The following MOXD1 variants were observed in gnomAD, a reference collection of about 807,000 sequenced individuals.
MOXD1 encodes monooxygenase DBH like 1, also known as DBH-like monooxygenase protein 1.
Under a neutral mutation model 66.6 loss-of-function variants are expected in MOXD1, and 62 were observed. The ratio of observed to expected loss-of-function variants is 0.93; its 90% CI spans 0.76 to 1.15. The LOEUF is 1.15. MOXD1 is among the 50% of genes most tolerant of loss of function. The pLI is 0.00. For synonymous variants in MOXD1, 303 were observed against 281.9 expected (o/e 1.07, Z -0.75); for missense variants, 847 against 754.6 (o/e 1.12, Z -1.44).
chr6:132,393,892 G>A (rs1776819891), intron 1 of MOXD1, among the ~76,000 whole-genome samples: 1 of 152,204 alleles, frequency 6.6e-6, no homozygotes, highest in Admixed American at 6.5e-5. Flanking sequence ...GCAGGACTGA[G>A]GACCAGCTTG....
chr6:132,373,967 T>C (rs1776321775), intron 2 of MOXD1, among the ~76,000 whole-genome samples: 1 of 152,216 alleles, frequency 6.6e-6, no homozygotes, highest in Non-Finnish European at 1.5e-5. Context: ...TAATCAGAAC[T>C]GCTTCATATT....
chr6:132,315,605 AC>A, intron 10 of MOXD1, 29 bp downstream of exon 10: 1 of 1,589,250 alleles, frequency 6.3e-7, no homozygotes, highest in South Asian at 1.1e-5. Context: ...GAAATACGTT[AC>A]CCCATCATAA....
Position 132,401,125 on chromosome 6 carries a change from G to A in MOXD1, c.264+38C>T, listed in dbSNP as rs78014656. 7,862 of 1,464,518 alleles carry A rather than the reference G, an allele frequency of 5.4e-3. 353 individuals carry two copies. The African/African-American group carries it at 0.097, about 18-fold the overall frequency. 90.7% of individuals were successfully genotyped at this position (1,464,518 alleles called of 1,614,324 possible). A position where few individuals can be genotyped will look rare whatever the true frequency, so the allele number is the denominator to read the frequency against. ...CCTCTCTGGGGTCCGGACGGGACCG[G>A]GCTCGGCCGGGCGGGCTCCGGGAGG... is the stretch of plus-strand genomic sequence containing the variant. On this transcript the variant is annotated intron_variant, in intron 1 of 11. Transcript: ENST00000367963.
chr6:132,353,257 C>T (rs189219892), intron 4 of MOXD1, among the ~76,000 whole-genome samples: 27 of 152,012 alleles, frequency 1.8e-4, no homozygotes, highest in African/African-American at 6.5e-4. Context: ...TTTATAGGTC[C>T]TATGTGATTT....
At chr6:132,303,807 A>ACATG (rs1491472694) in intron 10 of MOXD1, among the ~76,000 whole-genome samples, 2 of 47,922 alleles carry the variant, frequency 4.2e-5, no homozygotes, top group Non-Finnish European at 6.8e-5. Context: ...ATACACACAC[A>ACATG]TGTGTGTGTG....
intron 1 of MOXD1, among the ~76,000 whole-genome samples, chr6:132,395,763 C>T (rs531918802): frequency 2.4e-4 from 37 of 152,194 alleles, no homozygotes; most frequent in African/African-American, 4.6e-4. Context: ...AAGTATAAAA[C>T]ACTAAAAAGT....
At chr6:132,302,610 A>T (rs1774566540) in intron 10 of MOXD1, among the ~76,000 whole-genome samples, 1 of 152,182 alleles carries the variant, frequency 6.6e-6, no homozygotes, top group South Asian at 2.1e-4. Context: ...AAGACTCAAT[A>T]TTGTTAAGGT....
intron 9 of MOXD1, among the ~76,000 whole-genome samples, chr6:132,319,525 T>A (rs1390551483): frequency 6.6e-6 from 1 of 152,074 alleles, no homozygotes; most frequent in African/African-American, 2.4e-5. Context: ...TTTCTTGAGA[T>A]AATTTCTTAT....
intron 1 of MOXD1, among the ~76,000 whole-genome samples, chr6:132,378,916 C>T (rs996137398): frequency 8.6e-5 from 2 of 23,206 alleles, no homozygotes; most frequent in Non-Finnish European, 1.7e-4. Flanking sequence ...TTTTTTTTTG[C>T]GACAGAGTTT....
chr6:132,329,881 G>T (rs1582575077), intron 4 of MOXD1, among the ~76,000 whole-genome samples: 3 of 152,096 alleles, frequency 2.0e-5, no homozygotes, highest in African/African-American at 7.2e-5. Flanking sequence ...TTAGCTATGT[G>T]CGCTTGTGAC....
At chr6:132,327,290 T>A (rs77208921) in intron 6 of MOXD1, among the ~76,000 whole-genome samples, 1,599 of 152,348 alleles carry the variant, frequency 0.01, 39 homozygotes, top group African/African-American at 0.037. Context: ...GATTGTTTCT[T>A]TTTCACATTG....
chr6:132,397,232 T>C (rs1164477912), intron 1 of MOXD1, among the ~76,000 whole-genome samples: 4 of 152,218 alleles, frequency 2.6e-5, no homozygotes, highest in Admixed American at 2.6e-4. Context: ...TTTGGAGTTG[T>C]CCCCACCAAA....
intron 1 of MOXD1, among the ~76,000 whole-genome samples, chr6:132,396,007 C>T (rs1342459476): frequency 2.0e-5 from 3 of 152,156 alleles, no homozygotes; most frequent in Non-Finnish European, 4.4e-5. Flanking sequence ...AACAAAGAAA[C>T]ATTGGATTTA....
intron 1 of MOXD1, among the ~76,000 whole-genome samples, chr6:132,378,864 G>T (rs184298308): frequency 2.0e-4 from 23 of 112,314 alleles, no homozygotes; most frequent in African/African-American, 5.7e-4. Flanking sequence ...AAAGAGGACA[G>T]AACACTTCCT....
intron 5 of MOXD1, 132 bp downstream of exon 5, chr6:132,328,283 A>G: frequency 7.7e-7 from 1 of 1,290,534 alleles, no homozygotes; most frequent in Non-Finnish European, 1.1e-6. Flanking sequence ...CCTTCCTACG[A>G]AAATGGAGTT....
chr6:132,317,710 A>T (rs1774989383), intron 9 of MOXD1, among the ~76,000 whole-genome samples: 1 of 152,150 alleles, frequency 6.6e-6, no homozygotes, highest in South Asian at 2.1e-4. Flanking sequence ...ATAATATTTC[A>T]ACAACAAAAA....
At chr6:132,390,047 A>T (rs62424861) in intron 1 of MOXD1, among the ~76,000 whole-genome samples, 1 of 151,344 alleles carries the variant, frequency 6.6e-6, no homozygotes, top group Non-Finnish European at 1.5e-5. Flanking sequence ...AGAGAAATAC[A>T]TCAACGCCTA....
In MOXD1 at chr6:132,349,466, CATAT is replaced by C. The variant is rs1175675163; in HGVS notation, c.664-20876_664-20873del. Reference sequence around the variant, plus strand: ...ATATATATATACATATATATATATACATATATATATATATACATATATATATATA... The same window carrying C: ...ATATATATATACATATATATATATACATATATATATACATATATATATATA... On this transcript the variant is annotated intron_variant, in intron 4 of 11. Transcript: ENST00000367963. Among the ~76,000 whole-genome samples the C allele has an allele frequency of 8.2e-4, 10 of 12,146 alleles. 1 individual carries two copies. Among genetic ancestry groups the C allele is most frequent in the African/African-American group, 3.6e-3 (8 of 2,244 alleles). The allele number at this position is 12,146 out of a possible 152,430, so 8.0% of individuals were successfully genotyped here. A position where few individuals can be genotyped will look rare whatever the true frequency, so the allele number is the denominator to read the frequency against.
At chr6:132,318,475 G>C (rs2114562986) in intron 9 of MOXD1, among the ~76,000 whole-genome samples, 1 of 152,092 alleles carries the variant, frequency 6.6e-6, no homozygotes, top group East Asian at 1.9e-4. Flanking sequence ...TATATGGGTT[G>C]TTATTTCTTT....
Sources: gnomAD v4.1 joint callset for allele counts (sites outside exome capture counted in the v4.1 genomes callset) on GRCh38, gnomAD v4.1.1 for gene constraint, MANE v1.5 for transcripts, NCBI Gene and HGNC (gene_info 2026-07-23, HGNC 2026-07-21) for gene names.